The following POTEE variants were observed in gnomAD, a reference collection of about 807,000 sequenced individuals.
POTEE encodes ANKRD26-like family C member 1A.
A neutral mutation model predicts 74.2 loss-of-function variants in POTEE; 21 were observed. That is an observed-to-expected ratio of 0.28 (90% CI 0.20 to 0.41). The LOEUF is 0.41. Among genes scored for constraint, POTEE ranks in the 10% least tolerant of loss-of-function variants. The pLI, the probability that POTEE is intolerant of heterozygous loss-of-function variation, is 1.00. For synonymous variants in POTEE, 211 were observed against 432.8 expected (o/e 0.49, Z 6.36); for missense variants, 525 against 1,158.6 (o/e 0.45, Z 7.94).
chr2:131,216,899 C>T (rs1284706073), intron 2 of POTEE, among the ~76,000 whole-genome samples: 6 of 151,668 alleles, frequency 4.0e-5, no homozygotes, highest in Non-Finnish European at 8.8e-5. Context: ...GGATGATTGC[C>T]TAGGGCTGGG....
intron 6 of POTEE, among the ~76,000 whole-genome samples, chr2:131,225,825 C>T (rs1454021695): frequency 1.3e-5 from 2 of 151,984 alleles, no homozygotes; most frequent in African/African-American, 4.8e-5. Flanking sequence ...CATTCCTGAC[C>T]TAGTCTGACT....
chr2:131,223,578 G>C lies in POTEE; in HGVS notation c.522-18G>C, dbSNP rs1269605765. ...CTAGTGCACTACAATTTCCTAAAAA[G>C]TCTTGTCACTCTCATAGGACTGCTC... On this transcript the variant is annotated intron_variant, in intron 4 of 17. Coordinates refer to ENST00000683005, the MANE Select transcript of POTEE (RefSeq NM_001083538.3). 6.2e-6 allele frequency: 10 copies of C among 1,612,038 alleles called. No homozygotes were observed. Among genetic ancestry groups the C allele is most frequent in the Non-Finnish European group, 6.8e-6 (8 of 1,179,836 alleles).
chr2:131,220,609 G>C (rs1212361742), intron 4 of POTEE, among the ~76,000 whole-genome samples: 5 of 151,978 alleles, frequency 3.3e-5, no homozygotes, highest in Non-Finnish European at 7.4e-5. Flanking sequence ...AGCGTTCCTG[G>C]TAGAAGAAGG....
At chr2:131,215,941 G>A (rs1419268663) in intron 2 of POTEE, among the ~76,000 whole-genome samples, 2 of 149,254 alleles carry the variant, frequency 1.3e-5, no homozygotes, top group African/African-American at 5.0e-5. Flanking sequence ...GGGTGAGATT[G>A]TCTGTGTTTT....
At chr2:131,222,745 G>A (rs1224029740) in intron 4 of POTEE, among the ~76,000 whole-genome samples, 1 of 152,038 alleles carries the variant, frequency 6.6e-6, no homozygotes, top group Non-Finnish European at 1.5e-5. Flanking sequence ...GGTTTTCTTT[G>A]GCTTAAAGTT....
chr2:131,233,503 T>C (rs1701028830), intron 9 of POTEE, among the ~76,000 whole-genome samples: 3 of 151,808 alleles, frequency 2.0e-5, no homozygotes, highest in South Asian at 2.1e-4. Context: ...TTCCTTGTCA[T>C]ACATCCTTGG....
chr2:131,258,510 GT>G (rs1314310918), intron 16 of POTEE, among the ~76,000 whole-genome samples: 1 of 148,198 alleles, frequency 6.7e-6, no homozygotes. Flanking sequence ...CATATTCTGT[GT>G]TTTTAAATTC....
intron 2 of POTEE, among the ~76,000 whole-genome samples, chr2:131,212,394 A>T (rs2105057505): frequency 6.6e-6 from 1 of 151,826 alleles, no homozygotes; most frequent in African/African-American, 2.4e-5. Flanking sequence ...ATAAGTAGTT[A>T]TTCAGAGAAT....
Position 131,263,793 on chromosome 2 carries a change from G to T in POTEE, c.2338G>T (p.Asp780Tyr), listed in dbSNP as rs751645572. 6.2e-7 allele frequency: 1 copy of T among 1,613,756 alleles called. No homozygotes were observed. The highest frequency in any genetic ancestry group is 8.5e-7 in the Non-Finnish European group (1 of 1,180,008). ...PMEHGIITNWDDMEKIWHHTF... is the reference protein window; with the variant it reads ...PMEHGIITNWYDMEKIWHHTF... ...GGAACACGGCATCATCACCAACTGG[G>T]ATGACATGGAGAAGATCTGGCACCA... The change falls in exon 18 of 18, where the codon GAT becomes TAT. Residue 780 changes from aspartate to tyrosine, a missense_variant. Asp to Tyr is a radical substitution (Grantham distance 160). Transcript: ENST00000683005.
At chr2:131,232,843 A>G (rs1701006876) in intron 9 of POTEE, among the ~76,000 whole-genome samples, 1 of 151,834 alleles carries the variant, frequency 6.6e-6, no homozygotes, top group Admixed American at 6.6e-5. Flanking sequence ...ACAACACAAC[A>G]TCGCAAGGGC....
At chr2:131,218,031 C>T (rs1243610630) in intron 3 of POTEE, 1 of 309,872 alleles carries the variant, frequency 3.2e-6, no homozygotes. Flanking sequence ...ATTGACGTTT[C>T]CTGCTTGGAT....
At chr2:131,258,617 T>G (rs1268432586) in intron 16 of POTEE, among the ~76,000 whole-genome samples, 1 of 152,078 alleles carries the variant, frequency 6.6e-6, no homozygotes, top group Non-Finnish European at 1.5e-5. Flanking sequence ...TGCTGGCAAA[T>G]CTAGCTTTTT....
At chr2:131,216,885 A>G (rs761390765) in intron 2 of POTEE, among the ~76,000 whole-genome samples, 10 of 151,636 alleles carry the variant, frequency 6.6e-5, no homozygotes, top group Non-Finnish European at 1.0e-4. Context: ...CTTAGGAAGT[A>G]GATGGATGAT....
chr2:131,231,277 A>G (rs1226748710), intron 9 of POTEE, among the ~76,000 whole-genome samples: 1 of 148,180 alleles, frequency 6.7e-6, no homozygotes, highest in African/African-American at 2.5e-5. Context: ...TGCTCCAATG[A>G]GTATCTAGTG....
In POTEE at chr2:131,223,028, C is replaced by A. The variant is rs1036235114; in HGVS notation, c.522-568C>A. Among the ~76,000 whole-genome samples the A allele has an allele frequency of 8.6e-5, 13 of 151,626 alleles. 1 individual carries two copies. Among genetic ancestry groups the A allele is most frequent in the Non-Finnish European group, 1.5e-4 (10 of 67,970 alleles). On this transcript the variant is annotated intron_variant, in intron 4 of 17. Transcript: ENST00000683005. ...ATTGTAAGTGGTATTTCAGTGGAGA[C>A]AACATGGAGACAATGATCATCTCAG...
At chr2:131,213,083 CCT>C (rs1238102037) in intron 2 of POTEE, among the ~76,000 whole-genome samples, 1 of 151,746 alleles carries the variant, frequency 6.6e-6, no homozygotes, top group Non-Finnish European at 1.5e-5. Context: ...GCCTTGGCCC[CCT>C]GAGTAGCTGG....
Position 131,264,158 on chromosome 2 carries a change from C to T in POTEE, c.2703C>T (p.Thr901=), listed in dbSNP as rs759530170. 1.1e-5 allele frequency: 17 copies of T among 1,614,286 alleles called. No individual in the cohort carries two copies. In the Middle Eastern group the frequency reaches 1.8e-3, roughly 172 times the overall value. The part of the protein sequence containing the change: ...KILTERGYRF[T]TMAEREIVRD... ...TCACCGAGCGTGGCTATAGGTTCAC[C>T]ACCATGGCCGAGCGGGAAATCGTGC... Residue 901 remains threonine (T), a synonymous_variant, in exon 18 of 18, where the codon ACC becomes ACT. Coordinates refer to ENST00000683005, the MANE Select transcript of POTEE (RefSeq NM_001083538.3).
intron 10 of POTEE, among the ~76,000 whole-genome samples, chr2:131,237,673 G>C (rs1351953902): frequency 6.6e-6 from 1 of 151,824 alleles, no homozygotes; most frequent in Non-Finnish European, 1.5e-5. Flanking sequence ...ATCTCTTTCT[G>C]TTTGGTGTTG....
Position 131,223,580 on chromosome 2 carries a change from C to A in POTEE, c.522-16C>A, listed in dbSNP as rs1336603233. The stretch of plus-strand genomic sequence containing the variant: ...AGTGCACTACAATTTCCTAAAAAGT[C>A]TTGTCACTCTCATAGGACTGCTCTA... On this transcript the variant is annotated splice_polypyrimidine_tract_variant and intron_variant, in intron 4 of 17. Coordinates refer to ENST00000683005, the MANE Select transcript of POTEE (RefSeq NM_001083538.3). The A allele has an allele frequency of 3.1e-6, 5 of 1,612,038 alleles. No individual in the cohort carries two copies. In the African/African-American group the frequency reaches 6.7e-5, roughly 22 times the overall value.
Sources: allele counts gnomAD v4.1 joint callset (sites outside exome capture counted in the v4.1 genomes callset), GRCh38; gene constraint gnomAD v4.1.1; transcripts MANE v1.5; gene names NCBI Gene and HGNC (gene_info 2026-07-23, HGNC 2026-07-21).